Variants in ATP11C observed in about 807,000 individuals in gnomAD.
The protein encoded by ATP11C is phospholipid-transporting ATPase IG.
Under a neutral mutation model 97.4 loss-of-function variants are expected in ATP11C, and 36 were observed. The ratio of observed to expected loss-of-function variants is 0.37; its 90% CI spans 0.28 to 0.49. The LOEUF (loss-of-function observed/expected upper bound fraction) is 0.49. ATP11C is among the 20% of genes least tolerant of loss of function. The pLI is 0.98. For missense variants in ATP11C, 730 were observed against 824.6 expected (o/e 0.89, Z 1.40); for synonymous variants, 275 against 290.9 (o/e 0.95, Z 0.56).
chrX:139,931,869 A>T, intron 1 of ATP11C, 147 bp downstream of exon 1: 1 of 739,008 alleles, frequency 1.4e-6, no homozygotes, highest in South Asian at 3.7e-5. Flanking sequence ...CCGCCTGGGC[A>T]CCGTGTTTCG....
In ATP11C at chrX:139,800,021, C is replaced by A. The variant is rs77038954; in HGVS notation, c.710+39G>T. On this transcript the variant is annotated intron_variant, in intron 8 of 29. Coordinates refer to ENST00000682941, the MANE Select transcript of ATP11C (RefSeq NM_001353812.2). The stretch of plus-strand genomic sequence containing the variant: ...ATTTAACAGAAAAATAGACCCCCCC[C>A]CCCAACCAAAGGACAAATTAAAGAA... 3,164 of 577,088 alleles carry A rather than the reference C, an allele frequency of 5.5e-3. 131 individuals are homozygous for A. In the East Asian group the frequency reaches 0.082, roughly 15 times the overall value. 47.6% of individuals were successfully genotyped at this position (577,088 alleles called of 1,213,427 possible).
chrX:139,797,150 T>C, intron 11 of ATP11C, 26 bp downstream of exon 11: 1 of 1,192,870 alleles, frequency 8.4e-7, no homozygotes, highest in Non-Finnish European at 1.1e-6. Context: ...AAAAATAGTT[T>C]CAATTTTCAG....
intron 12 of ATP11C, among the ~76,000 whole-genome samples, chrX:139,790,224 C>T (rs777799662): frequency 9.1e-5 from 10 of 110,075 alleles, no homozygotes; most frequent in Non-Finnish European, 1.7e-4. Flanking sequence ...ACCACAGGCA[C>T]GCACCACCAC....
In ATP11C at chrX:139,745,714, C is replaced by A. The variant is rs1290895550; in HGVS notation, c.2964+8G>T. ...ATACCAAAAGATGTAATGACAGGTT[C>A]TTTTTACCTTTCCATTTTCTTCTAG... On this transcript the variant is annotated splice_region_variant and intron_variant, in intron 25 of 29. Coordinates refer to ENST00000682941, the MANE Select transcript of ATP11C (RefSeq NM_001353812.2). The A allele has an allele frequency of 7.5e-6, 9 of 1,199,619 alleles. No homozygotes were observed. The highest frequency in any genetic ancestry group is 1.0e-5 in the Non-Finnish European group (9 of 890,771).
intron 1 of ATP11C, among the ~76,000 whole-genome samples, chrX:139,890,567 TA>T (rs1439898866): frequency 9.0e-6 from 1 of 111,647 alleles, no homozygotes; most frequent in Non-Finnish European, 1.9e-5. Context: ...TCCATTTAAG[TA>T]CCATTATCAG....
At chrX:139,869,618 C>CTA (rs1556395172) in intron 1 of ATP11C, among the ~76,000 whole-genome samples, 4 of 52,179 alleles carry the variant, frequency 7.7e-5, no homozygotes, top group African/African-American at 5.1e-4. Context: ...CCCCTCTCTA[C>CTA]TAAAAAAAAA....
intron 9 of ATP11C, 80 bp from the exon 10 acceptor site, chrX:139,798,434 T>G (rs2082847827): frequency 2.6e-6 from 2 of 783,689 alleles, no homozygotes; most frequent in Non-Finnish European, 3.7e-6. Context: ...AATTTTTAAG[T>G]CTATAAAAGT....
At chrX:139,846,090 GGC>G (rs1333095917) in intron 1 of ATP11C, among the ~76,000 whole-genome samples, 1 of 111,664 alleles carries the variant, frequency 9.0e-6, no homozygotes, top group Non-Finnish European at 1.9e-5. Flanking sequence ...TGCAATAAAG[GGC>G]CATGCAATGC....
Position 139,828,095 on chromosome X carries a change from G to A in ATP11C, c.28-1272C>T, listed in dbSNP as rs1009534638. Reference sequence around the variant, plus strand: ...AGAGATTCAGGCTGTATATAACTCTGGAAAGCTACTCTGGCATGTGCTAAG... The same window carrying A: ...AGAGATTCAGGCTGTATATAACTCTAGAAAGCTACTCTGGCATGTGCTAAG... On this transcript the variant is annotated intron_variant, in intron 1 of 29. Coordinates refer to ENST00000682941, the MANE Select transcript of ATP11C (RefSeq NM_001353812.2). Among the ~76,000 whole-genome samples, 3 of 111,451 alleles carry A rather than the reference G, an allele frequency of 2.7e-5. No individual in the cohort carries two copies. In the East Asian group the frequency reaches 8.4e-4, roughly 31 times the overall value.
At chrX:139,730,809 C>G (rs2081326934) in intron 29 of ATP11C, among the ~76,000 whole-genome samples, 1 of 110,334 alleles carries the variant, frequency 9.1e-6, no homozygotes, top group Admixed American at 9.6e-5. Context: ...GATAAAAGAC[C>G]TCCAGAGGTC....
At chrX:139,753,653 CAA>C (rs2081870528) in intron 23 of ATP11C, among the ~76,000 whole-genome samples, 1 of 110,911 alleles carries the variant, frequency 9.0e-6, no homozygotes, top group African/African-American at 3.3e-5. Context: ...TAATAAAATA[CAA>C]AAATTAGCCA....
rs111704267 is a variant in ATP11C, at chrX:139,873,776, A to G, written c.28-46953T>C. ...ACATGTATGTTACTACAATTTAAAA[A>G]AAAAAAATTTTAAGTAAATTGGCTT... On this transcript the variant is annotated intron_variant, in intron 1 of 29. Transcript: ENST00000682941. Among the ~76,000 whole-genome samples, 316 of 109,260 alleles carry G rather than the reference A, an allele frequency of 2.9e-3. 3 individuals are homozygous for G. The highest frequency in any genetic ancestry group is 8.9e-3 in the African/African-American group (269 of 30,105). The allele number at this position is 109,260 out of a possible 115,157, so 94.9% of individuals were successfully genotyped here. A position where few individuals can be genotyped will look rare whatever the true frequency, so the allele number is the denominator to read the frequency against.
chrX:139,828,758 T>C (rs2083584119), intron 1 of ATP11C, among the ~76,000 whole-genome samples: 1 of 111,762 alleles, frequency 8.9e-6, no homozygotes, highest in African/African-American at 3.3e-5. Flanking sequence ...AGAGAATCAG[T>C]GAAGTAGGAT....
chrX:139,841,685 A>G (rs1462043161), intron 1 of ATP11C, among the ~76,000 whole-genome samples: 1 of 112,470 alleles, frequency 8.9e-6, no homozygotes, highest in East Asian at 2.8e-4. Context: ...AACAACTAGA[A>G]CACCTAAGTG....
intron 6 of ATP11C, among the ~76,000 whole-genome samples, chrX:139,803,724 A>G (rs2082981633): frequency 1.6e-5 from 1 of 60,951 alleles, no homozygotes; most frequent in African/African-American, 7.7e-5. Flanking sequence ...TTTGAGATGG[A>G]GACTCACCCT....
At chrX:139,747,777 C>A (rs1246491397) in intron 24 of ATP11C, among the ~76,000 whole-genome samples, 1 of 111,640 alleles carries the variant, frequency 9.0e-6, no homozygotes, top group Non-Finnish European at 1.9e-5. Flanking sequence ...AAGACCAGGG[C>A]TTCATGTTCA....
intron 1 of ATP11C, among the ~76,000 whole-genome samples, chrX:139,894,440 G>C (rs1053423681): frequency 5.4e-5 from 6 of 111,914 alleles, no homozygotes; most frequent in African/African-American, 6.5e-5. Flanking sequence ...CTACAAAAAT[G>C]GATCTCATGA....
intron 1 of ATP11C, among the ~76,000 whole-genome samples, chrX:139,899,652 T>C (rs190467475): frequency 3.1e-3 from 341 of 111,419 alleles, no homozygotes; most frequent in Non-Finnish European, 5.4e-3. Context: ...ATGTTAACAA[T>C]AGGGAAAATG....
chrX:139,856,867 G>A (rs2084098608), intron 1 of ATP11C, among the ~76,000 whole-genome samples: 1 of 111,899 alleles, frequency 8.9e-6, no homozygotes, highest in South Asian at 3.8e-4. Context: ...AAATAGGACA[G>A]CCTTAGACAT....
Sources: allele counts gnomAD v4.1 joint callset (sites outside exome capture counted in the v4.1 genomes callset), GRCh38; gene constraint gnomAD v4.1.1; transcripts MANE v1.5; gene names NCBI Gene and HGNC (gene_info 2026-07-23, HGNC 2026-07-21).